SOBP: variants seen among roughly 807,000 people sequenced by gnomAD.
SOBP encodes sine oculis binding protein homolog, also known as sine oculis-binding protein homolog.
SOBP carries 4 observed loss-of-function variants against 53.6 expected under a neutral mutation model. That is an observed-to-expected ratio of 0.07 (90% CI 0.04 to 0.17). The LOEUF is 0.17. Ranked by LOEUF, SOBP falls within the 10% of genes least tolerant of loss-of-function variation. The pLI is 1.00. For synonymous variants in SOBP, 584 were observed against 522.6 expected (o/e 1.12, Z -1.60); for missense variants, 1,088 against 1,204.7 (o/e 0.90, Z 1.43).
chr6:107,553,085 A>G (rs1431582795), intron 4 of SOBP, among the ~76,000 whole-genome samples: 1 of 152,074 alleles, frequency 6.6e-6, no homozygotes, highest in Non-Finnish European at 1.5e-5. Flanking sequence ...TGTTCCCCAA[A>G]AACCTATTGA....
At chr6:107,523,485 G>A (rs1783573272) in intron 3 of SOBP, among the ~76,000 whole-genome samples, 1 of 152,188 alleles carries the variant, frequency 6.6e-6, no homozygotes, top group Admixed American at 6.5e-5. Context: ...GACTTTCTGG[G>A]TGTGACTACA....
intron 4 of SOBP, among the ~76,000 whole-genome samples, chr6:107,583,626 A>G (rs1196113280): frequency 6.6e-6 from 1 of 152,144 alleles, no homozygotes; most frequent in East Asian, 1.9e-4. Context: ...GCTGGGCTCA[A>G]GCAATCCTCC....
chr6:107,563,970 T>G (rs1465774603), intron 4 of SOBP, among the ~76,000 whole-genome samples: 1 of 152,156 alleles, frequency 6.6e-6, no homozygotes, highest in Non-Finnish European at 1.5e-5. Flanking sequence ...CAGGAACTAG[T>G]ATCCATTTTT....
At chr6:107,606,066 G>A (rs1357945247) in intron 5 of SOBP, among the ~76,000 whole-genome samples, 2 of 134,016 alleles carry the variant, frequency 1.5e-5, no homozygotes, top group Admixed American at 8.6e-5. Flanking sequence ...GATCAGATAG[G>A]CTCCTTTTTT....
At chr6:107,594,070 C>T (rs1163547333) in intron 5 of SOBP, among the ~76,000 whole-genome samples, 1 of 152,146 alleles carries the variant, frequency 6.6e-6, no homozygotes, top group Non-Finnish European at 1.5e-5. Flanking sequence ...AGAACTTGGA[C>T]TCTTAAGCCA....
At chr6:107,551,453 C>G (rs575450272) in intron 4 of SOBP, among the ~76,000 whole-genome samples, 59 of 152,280 alleles carry the variant, frequency 3.9e-4, no homozygotes, top group Admixed American at 2.9e-3. Context: ...TTCACAGAAT[C>G]TAAGTCACTT....
intron 4 of SOBP, among the ~76,000 whole-genome samples, chr6:107,539,678 CTGTT>C (rs536955384): frequency 9.9e-5 from 15 of 152,190 alleles, no homozygotes; most frequent in Non-Finnish European, 1.0e-4. Flanking sequence ...GTCCGACTGT[CTGTT>C]TGGGCAGTGG....
At chr6:107,617,890 C>T (rs1377354750) in intron 5 of SOBP, among the ~76,000 whole-genome samples, 2 of 147,056 alleles carry the variant, frequency 1.4e-5, no homozygotes, top group African/African-American at 5.1e-5. Flanking sequence ...TGCAGTGGCA[C>T]GATCTCAGCT....
At chr6:107,606,511 GCCC>G (rs974180756) in intron 5 of SOBP, among the ~76,000 whole-genome samples, 1 of 152,168 alleles carries the variant, frequency 6.6e-6, no homozygotes, top group Non-Finnish European at 1.5e-5. Context: ...AGGAAGTTCA[GCCC>G]CCTTCTTCAC....
chr6:107,524,849 G>C lies in SOBP; in HGVS notation c.422-8610G>C, dbSNP rs371269403. Among the ~76,000 whole-genome samples the C allele has an allele frequency of 1.3e-3, 196 of 152,330 alleles. 1 individual carries two copies. Among genetic ancestry groups the C allele is most frequent in the African/African-American group, 4.6e-3 (192 of 41,578 alleles). On this transcript the variant is annotated intron_variant, in intron 3 of 6. Coordinates refer to ENST00000317357, the MANE Select transcript of SOBP (RefSeq NM_018013.4). Reference sequence around the variant, plus strand: ...AGGGCAGTGGAGCAGCACGTTCCAGGAGGCTTCCTCAGAAGTCCAGTCTTG... The same window carrying C: ...AGGGCAGTGGAGCAGCACGTTCCAGCAGGCTTCCTCAGAAGTCCAGTCTTG...
chr6:107,656,076 G>A (rs1772019600), intron 6 of SOBP, among the ~76,000 whole-genome samples: 1 of 152,108 alleles, frequency 6.6e-6, no homozygotes, highest in Admixed American at 6.5e-5. Context: ...CCCAGAGGTG[G>A]GGATGGCTTC....
intron 5 of SOBP, among the ~76,000 whole-genome samples, chr6:107,600,259 C>T (rs1192723526): frequency 6.6e-6 from 1 of 152,148 alleles, no homozygotes; most frequent in Non-Finnish European, 1.5e-5. Context: ...TTTCCTCCTA[C>T]GGGAATGGGA....
rs1261466279 is a variant in SOBP, at chr6:107,543,699, C to CA, written c.573+10089_573+10090insA. Among the ~76,000 whole-genome samples, 8 of 152,290 alleles carry CA rather than the reference C, an allele frequency of 5.3e-5. No homozygotes were observed. The East Asian group carries it at 1.2e-3, about 22-fold the overall frequency. ...TGAGGTTAATTCATGAGGCTGAATT[C>CA]TTTACACGATGGATGTGTCATGCCT... On this transcript the variant is annotated intron_variant, in intron 4 of 6. Coordinates refer to ENST00000317357, the MANE Select transcript of SOBP (RefSeq NM_018013.4).
intron 4 of SOBP, among the ~76,000 whole-genome samples, chr6:107,584,514 AAC>A (rs1785506031): frequency 6.6e-6 from 1 of 152,180 alleles, no homozygotes; most frequent in East Asian, 1.9e-4. Flanking sequence ...ATGTAGTGGA[AAC>A]ACAGCAAATG....
intron 3 of SOBP, among the ~76,000 whole-genome samples, chr6:107,512,651 C>A (rs1209334880): frequency 2.0e-5 from 3 of 152,212 alleles, no homozygotes; most frequent in East Asian, 1.9e-4. Context: ...CCAGGGTAGA[C>A]CCTGGCCCAG....
intron 4 of SOBP, among the ~76,000 whole-genome samples, chr6:107,557,052 C>A (rs773984746): frequency 1.3e-5 from 2 of 152,174 alleles, no homozygotes; most frequent in Admixed American, 6.5e-5. Context: ...CTTAATCTCT[C>A]CTTTCTGATC....
chr6:107,540,251 T>C (rs1187435865), intron 4 of SOBP, among the ~76,000 whole-genome samples: 4 of 152,254 alleles, frequency 2.6e-5, no homozygotes, highest in Non-Finnish European at 5.9e-5. Flanking sequence ...CCTGTGATTA[T>C]CTTAATTTCT....
rs199886428 is a variant in SOBP, at chr6:107,493,488, G to GC, written c.96+2782dup. Among the ~76,000 whole-genome samples the GC allele has an allele frequency of 8.5e-5, 13 of 152,286 alleles. 1 individual carries two copies. In the East Asian group the frequency reaches 2.5e-3, roughly 29 times the overall value. On this transcript the variant is annotated intron_variant, in intron 1 of 6. Coordinates refer to ENST00000317357, the MANE Select transcript of SOBP (RefSeq NM_018013.4). ...CTGGGAAGTGGAGGATCAGGAGGAG[G>GC]CCCCCCTTAGGGAGATTTGGCTCAG...
At position 107,633,789 on chromosome 6, in the gene SOBP, G is replaced by A; in HGVS notation, c.945G>A (p.Val315=). 6.2e-7 allele frequency: 1 copy of A among 1,614,224 alleles called. No individual in the cohort carries two copies. The highest frequency in any genetic ancestry group is 8.5e-7 in the Non-Finnish European group (1 of 1,180,046). The stretch of plus-strand genomic sequence containing the variant: ...CTCGGAGGAAGGCCCCCTCCCCGGT[G>A]GCTACAGCTGGCCAAAGCCAGGGCC... ...TDARRKAPSP[V]ATAGQSQGPG... is the part of the protein sequence containing the mutation. Residue 315 remains valine, a synonymous_variant, in exon 6 of 7, where the codon GTG becomes GTA. Transcript: ENST00000317357.
Sources: gnomAD v4.1 joint callset for allele counts (sites outside exome capture counted in the v4.1 genomes callset) on GRCh38, gnomAD v4.1.1 for gene constraint, MANE v1.5 for transcripts, NCBI Gene and HGNC (gene_info 2026-07-23, HGNC 2026-07-21) for gene names.